Variants in SYT1 observed in about 807,000 individuals in gnomAD.
The protein encoded by SYT1 is synaptotagmin-1.
Under a neutral mutation model 44.8 loss-of-function variants are expected in SYT1, and 8 were observed. That is an observed-to-expected ratio of 0.18 (90% confidence interval 0.10 to 0.32). SYT1 has a LOEUF of 0.32. Among genes scored for constraint, SYT1 ranks in the 10% least tolerant of loss-of-function variants. The pLI, the probability that SYT1 is intolerant of heterozygous loss-of-function variation, is 1.00. For missense variants in SYT1, 286 were observed against 509.3 expected (o/e 0.56, Z 4.22); for synonymous variants, 154 against 188.8 (o/e 0.82, Z 1.51).
At chr12:79,447,980 T>C (rs569381098) in intron 10 of SYT1, among the ~76,000 whole-genome samples, 13 of 152,326 alleles carry the variant, frequency 8.5e-5, no homozygotes, top group African/African-American at 3.1e-4. Flanking sequence ...CATATTCCAT[T>C]TATTTTAAAC....
chr12:78,903,089 C>A (rs1351196169), intron 1 of SYT1, among the ~76,000 whole-genome samples: 1 of 151,926 alleles, frequency 6.6e-6, no homozygotes, highest in African/African-American at 2.4e-5. Context: ...ATTCATTTAT[C>A]TTATACCTCA....
At chr12:79,064,926 GAGAAAGAAAGAAAGAA>G (rs200335076) in intron 3 of SYT1, among the ~76,000 whole-genome samples, 3,528 of 111,480 alleles carry the variant, frequency 0.032, 77 homozygotes, top group African/African-American at 0.049. Flanking sequence ...AAAAAATAGA[GAGAAAGAAAGAAAGAA>G]AGAAAGAAAG....
At chr12:79,157,190 G>A (rs563698375) in intron 3 of SYT1, among the ~76,000 whole-genome samples, 4 of 152,144 alleles carry the variant, frequency 2.6e-5, no homozygotes, top group African/African-American at 9.7e-5. Flanking sequence ...AGCTTGTCAC[G>A]CAAGACAAAG....
intron 3 of SYT1, among the ~76,000 whole-genome samples, chr12:79,162,309 C>T (rs1461272688): frequency 4.6e-5 from 7 of 152,096 alleles, no homozygotes; most frequent in Non-Finnish European, 1.0e-4. Context: ...TAATGTGACT[C>T]ATTATTTTAA....
intron 8 of SYT1, among the ~76,000 whole-genome samples, chr12:79,339,406 T>C (rs547398216): frequency 6.6e-6 from 1 of 152,270 alleles, no homozygotes; most frequent in African/African-American, 2.4e-5. Context: ...TGATTTGCAT[T>C]TCTCTGATGA....
intron 1 of SYT1, among the ~76,000 whole-genome samples, chr12:78,911,704 G>A (rs1876338937): frequency 1.3e-5 from 2 of 151,990 alleles, no homozygotes; most frequent in Admixed American, 6.6e-5. Context: ...ATGGTGTGGG[G>A]TGAGGAGATA....
chr12:79,044,273 G>C (rs1006272009), intron 2 of SYT1, among the ~76,000 whole-genome samples: 1 of 152,142 alleles, frequency 6.6e-6, no homozygotes, highest in Non-Finnish European at 1.5e-5. Context: ...CCAGTCAGAC[G>C]TAGACTTGGT....
At chr12:78,920,360 T>A (rs1049996563) in intron 1 of SYT1, among the ~76,000 whole-genome samples, 90 of 151,958 alleles carry the variant, frequency 5.9e-4, no homozygotes, top group Non-Finnish European at 1.3e-4. Context: ...ATAGATCGCA[T>A]TCAACAAATG....
chr12:79,419,365 C>G (rs1219853951), intron 9 of SYT1: 1 of 462,972 alleles, frequency 2.2e-6, no homozygotes. Flanking sequence ...TTCCACTGCA[C>G]CCTTTCTCCA....
chr12:79,208,237 T>C (rs191980701), intron 3 of SYT1, among the ~76,000 whole-genome samples: 4 of 152,228 alleles, frequency 2.6e-5, no homozygotes, highest in African/African-American at 9.6e-5. Context: ...TTTCAGGAGA[T>C]GACATTGTGG....
intron 1 of SYT1, among the ~76,000 whole-genome samples, chr12:78,895,398 G>A (rs1291408251): frequency 2.0e-5 from 3 of 151,578 alleles, no homozygotes; most frequent in African/African-American, 4.8e-5. Flanking sequence ...AATTACTGAA[G>A]ACTAAGCATT....
chr12:79,013,280 T>A (rs1463755863), intron 2 of SYT1, among the ~76,000 whole-genome samples: 1 of 152,106 alleles, frequency 6.6e-6, no homozygotes, highest in Non-Finnish European at 1.5e-5. Flanking sequence ...TAGTAGGTAT[T>A]TCATAAGTAT....
rs939007556 is a variant in SYT1, at chr12:79,246,534, G to T, written c.166+28849G>T. Among the ~76,000 whole-genome samples, 6 of 152,188 alleles carry T rather than the reference G, an allele frequency of 3.9e-5. No homozygotes were observed. In the South Asian group the frequency reaches 1.2e-3, roughly 32 times the overall value. ...AAGTCCAAGATCAAGGTACCAACAG[G>T]TTCAGTGTCTGGATAGGGGCCTGGT... On this transcript the variant is annotated intron_variant, in intron 4 of 10. Coordinates refer to ENST00000261205, the MANE Select transcript of SYT1 (RefSeq NM_005639.3).
chr12:79,140,577 C>T (rs1466104482), intron 3 of SYT1, among the ~76,000 whole-genome samples: 4 of 152,220 alleles, frequency 2.6e-5, no homozygotes, highest in Admixed American at 1.3e-4. Flanking sequence ...CCGTGTGCTT[C>T]GTTACCATGC....
At chr12:79,417,136 TC>T (rs1403792324) in intron 9 of SYT1, among the ~76,000 whole-genome samples, 1 of 152,146 alleles carries the variant, frequency 6.6e-6, no homozygotes, top group Non-Finnish European at 1.5e-5. Flanking sequence ...CATTTAGTCT[TC>T]CCTGCTTTTA....
At chr12:79,324,073 C>T (rs571928992) in intron 8 of SYT1, among the ~76,000 whole-genome samples, 117 of 151,464 alleles carry the variant, frequency 7.7e-4, no homozygotes, top group African/African-American at 2.6e-3. Flanking sequence ...GCCTCAGCCT[C>T]CTGAGTATCT....
At chr12:79,178,967 G>T (rs56087909) in intron 3 of SYT1, among the ~76,000 whole-genome samples, 37,851 of 58,386 alleles carry the variant, frequency 0.65, 14,345 homozygotes, top group African/African-American at 0.77. Flanking sequence ...TATAGATATA[G>T]ATATATAGAT....
At chr12:78,907,865 G>T (rs1436583759) in intron 1 of SYT1, among the ~76,000 whole-genome samples, 1 of 151,978 alleles carries the variant, frequency 6.6e-6, no homozygotes, top group Non-Finnish European at 1.5e-5. Context: ...ATGACTGTTT[G>T]TACAAAGCAT....
chr12:79,255,501 C>A lies in SYT1; in HGVS notation c.167-30286C>A, dbSNP rs73349475. Among the ~76,000 whole-genome samples the A allele has an allele frequency of 4.7e-3, 720 of 152,242 alleles. 3 individuals carry two copies. The highest frequency in any genetic ancestry group is 0.017 in the African/African-American group (688 of 41,538). Reference sequence around the variant, plus strand: ...TTCATTTTATTGTGGTGGTTTGGAACCAAGCCTGCAATATCTGTAAGTTAT... The same window carrying A: ...TTCATTTTATTGTGGTGGTTTGGAAACAAGCCTGCAATATCTGTAAGTTAT... On this transcript the variant is annotated intron_variant, in intron 4 of 10. Coordinates refer to ENST00000261205, the MANE Select transcript of SYT1 (RefSeq NM_005639.3).
Sources: allele counts gnomAD v4.1 joint callset (sites outside exome capture counted in the v4.1 genomes callset), GRCh38; gene constraint gnomAD v4.1.1; transcripts MANE v1.5; gene names NCBI Gene and HGNC (gene_info 2026-07-23, HGNC 2026-07-21).